The following COG5 variants were observed in gnomAD, a reference collection of about 807,000 sequenced individuals.
COG5 encodes the protein component of oligomeric golgi complex 5, also known as conserved oligomeric Golgi complex subunit 5.
In COG5, 86 loss-of-function variants were observed where a neutral mutation model predicts 110.4. The observed-to-expected ratio is 0.78, with a 90% CI of 0.65 to 0.93. The LOEUF is 0.93. Among genes scored for constraint, COG5 ranks in the 40% least tolerant of loss-of-function variants. The pLI is 0.00. For missense variants in COG5, 1,077 were observed against 987.0 expected, an observed-to-expected ratio of 1.09 and a Z score of -1.22; for synonymous variants, 360 against 334.6, an observed-to-expected ratio of 1.08 and a Z score of -0.83.
intron 6 of COG5, among the ~76,000 whole-genome samples, chr7:107,517,203 A>T (rs1157293906): frequency 1.3e-5 from 2 of 152,214 alleles, no homozygotes; most frequent in Non-Finnish European, 2.9e-5. Flanking sequence ...AGCATACACA[A>T]GTATCAACAG....
chr7:107,538,485 C>T (rs192104223), intron 5 of COG5, among the ~76,000 whole-genome samples: 2 of 152,162 alleles, frequency 1.3e-5, no homozygotes, highest in Non-Finnish European at 2.9e-5. Context: ...TAAACTTCCA[C>T]TCTGAACATC....
intron 6 of COG5, among the ~76,000 whole-genome samples, chr7:107,451,656 G>A (rs370725315): frequency 6.6e-6 from 1 of 151,870 alleles, no homozygotes; most frequent in Non-Finnish European, 1.5e-5. Flanking sequence ...CTCCTCAGCC[G>A]ACTCAACATG....
At position 107,270,300 on chromosome 7, in the gene COG5, C is replaced by T. The variant is rs78442559; in HGVS notation, c.1575+11000G>A. ...TCTGAGACAGGACATCCTTCTATTA[C>T]TCCGGCTGGAGTGCAGTGGCCATGA... On this transcript the variant is annotated intron_variant, in intron 14 of 21. Coordinates refer to ENST00000297135, the MANE Select transcript of COG5 (RefSeq NM_006348.5). 3.6e-3 allele frequency among the ~76,000 whole-genome samples: 530 copies of T among 147,772 alleles called. 22 individuals are homozygous for T. In the East Asian group the frequency reaches 0.087, roughly 24 times the overall value.
chr7:107,347,773 A>C (rs1811755803), intron 10 of COG5, among the ~76,000 whole-genome samples: 1 of 152,154 alleles, frequency 6.6e-6, no homozygotes. Context: ...ATTATTTCTT[A>C]TTCTTCTTTT....
intron 6 of COG5, among the ~76,000 whole-genome samples, chr7:107,494,901 T>C (rs552174140): frequency 2.0e-5 from 3 of 152,208 alleles, no homozygotes; most frequent in Admixed American, 6.5e-5. Context: ...AGAGTAGTTA[T>C]TTCACATAAA....
At chr7:107,211,334 G>T in intron 19 of COG5, 109 bp from the exon 20 acceptor site, 6 of 1,256,302 alleles carry the variant, frequency 4.8e-6, no homozygotes, top group Non-Finnish European at 6.9e-6. Flanking sequence ...ATTGGCTACT[G>T]AAGGAGCCCT....
At chr7:107,397,068 T>C (rs1325570049) in intron 7 of COG5, among the ~76,000 whole-genome samples, 1 of 152,262 alleles carries the variant, frequency 6.6e-6, no homozygotes, top group African/African-American at 2.4e-5. Context: ...GGCTGATAAG[T>C]AGCCTGAGCC....
Position 107,412,625 on chromosome 7 carries a change from A to G in COG5, c.546T>C (p.Leu182=). ...AAQSLNELDY[L]SQGIDLSGIE... is the part of the protein sequence containing the mutation. ...TTCCAGAAAGATCTATTCCTTGAGA[A>G]AGATAATCTGTTTAAAACAAAAACA... The change falls in exon 7 of 22, where the codon CTT becomes CTC. Residue 182 remains leucine (L), a synonymous_variant. Coordinates refer to ENST00000297135, the MANE Select transcript of COG5 (RefSeq NM_006348.5). 1 of 1,533,124 alleles carries G rather than the reference A, an allele frequency of 6.5e-7. No individual in the cohort carries two copies. Among genetic ancestry groups the G allele is most frequent in the South Asian group, 1.1e-5 (1 of 89,382 alleles). 95.0% of individuals were successfully genotyped at this position (1,533,124 alleles called of 1,614,324 possible).
intron 16 of COG5, among the ~76,000 whole-genome samples, chr7:107,256,276 G>A (rs1802874482): frequency 1.3e-5 from 2 of 152,026 alleles, no homozygotes; most frequent in Admixed American, 1.3e-4. Context: ...AGAGAGGGGT[G>A]GGCATTGTCC....
In COG5 at chr7:107,478,930, T is replaced by C. The variant is rs948043847; in HGVS notation, c.538+48307A>G. On this transcript the variant is annotated intron_variant, in intron 6 of 21. Coordinates refer to ENST00000297135, the MANE Select transcript of COG5 (RefSeq NM_006348.5). ...AAAGTCAATAAAACTTTTAATTTTA[T>C]TGCATTTCATGATTACACAATTAAG... is the stretch of plus-strand genomic sequence containing the variant. 1.2e-4 allele frequency among the ~76,000 whole-genome samples: 18 copies of C among 152,102 alleles called. 1 individual carries two copies. The highest frequency in any genetic ancestry group is 7.4e-5 in the Non-Finnish European group (5 of 67,994).
intron 20 of COG5, 151 bp from the exon 21 acceptor site, chr7:107,210,756 G>GA (rs1799104327): frequency 1.1e-6 from 1 of 917,542 alleles, no homozygotes. Context: ...ATAGGCCTTG[G>GA]TGCACCTTCC....
chr7:107,464,762 G>A (rs1584858202), intron 6 of COG5, among the ~76,000 whole-genome samples: 1 of 152,234 alleles, frequency 6.6e-6, no homozygotes, highest in East Asian at 1.9e-4. Flanking sequence ...GATGCAGCAA[G>A]CAGTATGAGC....
intron 2 of COG5, among the ~76,000 whole-genome samples, chr7:107,556,197 C>T (rs1330345039): frequency 6.6e-6 from 1 of 152,108 alleles, no homozygotes; most frequent in Non-Finnish European, 1.5e-5. Context: ...ACTTCCAGGC[C>T]TCTGTATTGC....
intron 6 of COG5, among the ~76,000 whole-genome samples, chr7:107,487,402 A>G (rs1218024201): frequency 1.3e-5 from 2 of 152,096 alleles, no homozygotes; most frequent in African/African-American, 2.4e-5. Context: ...GGGTCTCACT[A>G]TGTTGCCCAG....
intron 16 of COG5, among the ~76,000 whole-genome samples, chr7:107,249,818 A>G (rs1802359852): frequency 6.6e-6 from 1 of 151,862 alleles, no homozygotes; most frequent in Admixed American, 6.6e-5. Flanking sequence ...TGAGTAACCC[A>G]AAATCCAAAA....
chr7:107,519,754 AAAC>A (rs1460388457), intron 6 of COG5, among the ~76,000 whole-genome samples: 1 of 152,202 alleles, frequency 6.6e-6, no homozygotes. Flanking sequence ...ATGATATTCC[AAAC>A]AACTGAAAAG....
intron 10 of COG5, among the ~76,000 whole-genome samples, chr7:107,336,699 C>T (rs1283967441): frequency 6.6e-6 from 1 of 152,082 alleles, no homozygotes; most frequent in Non-Finnish European, 1.5e-5. Flanking sequence ...TTTATGAGTT[C>T]ACAACATTCC....
intron 7 of COG5, among the ~76,000 whole-genome samples, chr7:107,405,228 C>T (rs1791747811): frequency 6.6e-6 from 1 of 152,150 alleles, no homozygotes; most frequent in African/African-American, 2.4e-5. Context: ...ATTATATCTT[C>T]TTCACAGATC....
chr7:107,316,693 G>C (rs1018382626), intron 11 of COG5, among the ~76,000 whole-genome samples: 1 of 150,146 alleles, frequency 6.7e-6, no homozygotes, highest in African/African-American at 2.5e-5. Context: ...TTAGCCAGGC[G>C]TGGTGGCGGG....
Sources: gnomAD v4.1 joint callset for allele counts (sites outside exome capture counted in the v4.1 genomes callset) on GRCh38, gnomAD v4.1.1 for gene constraint, MANE v1.5 for transcripts, NCBI Gene and HGNC (gene_info 2026-07-23, HGNC 2026-07-21) for gene names.